PDE10A: variants seen among roughly 807,000 people sequenced by gnomAD.
PDE10A encodes cAMP and cAMP-inhibited cGMP 3',5'-cyclic phosphodiesterase 10A.
A neutral mutation model predicts 97.7 loss-of-function variants in PDE10A; 39 were observed. That is an observed-to-expected ratio of 0.40 (90% CI 0.31 to 0.52). PDE10A has a LOEUF of 0.52. Among genes scored for constraint, PDE10A ranks in the 20% least tolerant of loss-of-function variants. PDE10A has a pLI of 0.56. For missense variants in PDE10A, 731 were observed against 1,047.8 expected (o/e 0.70, Z 4.17); for synonymous variants, 371 against 376.8 (o/e 0.98, Z 0.18).
intron 20 of PDE10A, among the ~76,000 whole-genome samples, chr6:165,336,488 G>T (rs923203963): frequency 6.6e-6 from 1 of 152,108 alleles, no homozygotes; most frequent in Non-Finnish European, 1.5e-5. Context: ...GGTGGCTCAC[G>T]CCTGTAATCC....
chr6:165,638,130 T>C (rs1018779591), intron 1 of PDE10A, among the ~76,000 whole-genome samples: 2 of 152,174 alleles, frequency 1.3e-5, no homozygotes, highest in African/African-American at 2.4e-5. Flanking sequence ...GATTCAAAGA[T>C]TATGCCTTTG....
At chr6:165,944,234 G>T (rs1304921160) in intron 1 of PDE10A, among the ~76,000 whole-genome samples, 2 of 152,146 alleles carry the variant, frequency 1.3e-5, no homozygotes, top group East Asian at 1.9e-4. Flanking sequence ...ACCTCTCACT[G>T]GTTCCTTCCC....
intron 4 of PDE10A, among the ~76,000 whole-genome samples, chr6:165,449,839 C>G (rs1362704170): frequency 6.6e-6 from 1 of 152,050 alleles, no homozygotes; most frequent in Non-Finnish European, 1.5e-5. Flanking sequence ...TTTCCCCATT[C>G]TATTCACAAC....
chr6:165,767,602 T>C (rs1562726473), intron 1 of PDE10A, among the ~76,000 whole-genome samples: 1 of 152,246 alleles, frequency 6.6e-6, no homozygotes, highest in Non-Finnish European at 1.5e-5. Context: ...TCATCGATGC[T>C]GTGGCATGTG....
chr6:165,826,873 C>T (rs1405398830), intron 1 of PDE10A, among the ~76,000 whole-genome samples: 3 of 150,372 alleles, frequency 2.0e-5, no homozygotes, highest in Non-Finnish European at 4.4e-5. Context: ...GAGGGAGGGG[C>T]ACAGTGAGAG....
chr6:165,644,382 T>A (rs2128421646), intron 1 of PDE10A, among the ~76,000 whole-genome samples: 1 of 152,040 alleles, frequency 6.6e-6, no homozygotes, highest in South Asian at 2.1e-4. Flanking sequence ...TTTTTAAGAG[T>A]CTCCGTGAAG....
intron 1 of PDE10A, among the ~76,000 whole-genome samples, chr6:165,893,142 AG>A (rs2128482673): frequency 6.6e-6 from 1 of 152,374 alleles, no homozygotes; most frequent in Admixed American, 6.5e-5. Flanking sequence ...AATTATATAA[AG>A]CATTCCCATG....
intron 1 of PDE10A, among the ~76,000 whole-genome samples, chr6:165,668,248 AG>A (rs1224421321): frequency 2.6e-5 from 4 of 152,244 alleles, no homozygotes; most frequent in African/African-American, 7.2e-5. Context: ...CTGGATAAAA[AG>A]GGTTGGCTGG....
At chr6:165,660,813 G>C (rs879620883) in intron 1 of PDE10A, 2 of 152,348 alleles carry the variant, frequency 1.3e-5, no homozygotes, top group East Asian at 1.9e-4. Context: ...CGCGGTGGAC[G>C]GTGGCTCCGG....
At chr6:165,473,782 C>A (rs1779145175) in intron 3 of PDE10A, among the ~76,000 whole-genome samples, 2 of 152,148 alleles carry the variant, frequency 1.3e-5, no homozygotes, top group Non-Finnish European at 2.9e-5. Context: ...ATGGCTTTTA[C>A]AACCATACAC....
chr6:165,600,706 C>A (rs1420263291), intron 1 of PDE10A, among the ~76,000 whole-genome samples: 1 of 152,168 alleles, frequency 6.6e-6, no homozygotes, highest in Non-Finnish European at 1.5e-5. Context: ...CCTCATCAGC[C>A]TTTCACTCCC....
intron 1 of PDE10A, among the ~76,000 whole-genome samples, chr6:165,966,480 A>T (rs1028349856): frequency 4.6e-5 from 7 of 152,256 alleles, no homozygotes; most frequent in African/African-American, 1.7e-4. Context: ...GAGGGACAAC[A>T]TGCAGTGTTC....
intron 18 of PDE10A, among the ~76,000 whole-genome samples, chr6:165,366,045 C>A (rs1783750749): frequency 6.6e-6 from 1 of 152,074 alleles, no homozygotes; most frequent in Non-Finnish European, 1.5e-5. Context: ...AAAACCTATT[C>A]ATCAAATAAG....
intron 1 of PDE10A, among the ~76,000 whole-genome samples, chr6:165,630,971 C>G (rs117801821): frequency 0.019 from 2,865 of 152,174 alleles, 41 homozygotes; most frequent in Non-Finnish European, 0.031. Flanking sequence ...GCAAATCAGC[C>G]CAGTGTAGTG....
intron 1 of PDE10A, among the ~76,000 whole-genome samples, chr6:165,964,297 G>A (rs542088380): frequency 6.6e-5 from 10 of 152,226 alleles, no homozygotes; most frequent in South Asian, 2.1e-4. Context: ...TCGGTCAGCC[G>A]CCAGCTCCTC....
intron 1 of PDE10A, among the ~76,000 whole-genome samples, chr6:165,629,522 T>C (rs958758523): frequency 1.5e-4 from 9 of 59,662 alleles, no homozygotes; most frequent in African/African-American, 8.2e-4. Flanking sequence ...ATTAACAACC[T>C]TTTTTTTTTT....
intron 2 of PDE10A, among the ~76,000 whole-genome samples, chr6:165,527,980 C>G (rs998880575): frequency 2.0e-5 from 3 of 152,184 alleles, no homozygotes; most frequent in African/African-American, 4.8e-5. Flanking sequence ...CCCTAGAGGA[C>G]GGCGGTGAAG....
intron 1 of PDE10A, among the ~76,000 whole-genome samples, chr6:165,837,659 G>GTTT (rs386409265): frequency 6.0e-5 from 5 of 83,502 alleles, no homozygotes; most frequent in African/African-American, 1.5e-4. Flanking sequence ...ATCTCTCCTG[G>GTTT]TTTTTTTTTT....
chr6:165,849,703 G>A (rs887302591), intron 1 of PDE10A, among the ~76,000 whole-genome samples: 1 of 152,214 alleles, frequency 6.6e-6, no homozygotes, highest in Admixed American at 6.5e-5. Context: ...CGGGGGCCCA[G>A]GGCCCTTGAA....
Sources: allele counts gnomAD v4.1 joint callset (sites outside exome capture counted in the v4.1 genomes callset), GRCh38; gene constraint gnomAD v4.1.1; transcripts MANE v1.5; gene names NCBI Gene and HGNC (gene_info 2026-07-23, HGNC 2026-07-21).